Variants in PLXNA2 observed in about 807,000 individuals in gnomAD.
The protein encoded by PLXNA2 is plexin A2.
A neutral mutation model predicts 193.5 loss-of-function variants in PLXNA2; 91 were observed. The observed-to-expected ratio is 0.47, with a 90% CI of 0.40 to 0.56. The LOEUF (loss-of-function observed/expected upper bound fraction) is 0.56, where lower values mean the gene tolerates loss of function less well. Among genes scored for constraint, PLXNA2 ranks in the 20% least tolerant of loss-of-function variants. The pLI is 0.00. For synonymous variants in PLXNA2, 997 were observed against 1,027.3 expected (o/e 0.97, Z 0.56); for missense variants, 1,995 against 2,503.2 (o/e 0.80, Z 4.33).
At chr1:208,073,580 TC>T (rs1358166502) in intron 12 of PLXNA2, among the ~76,000 whole-genome samples, 1 of 152,164 alleles carries the variant, frequency 6.6e-6, no homozygotes, top group East Asian at 1.9e-4. Flanking sequence ...TGGTGGCATC[TC>T]CCCCCTCTGA....
intron 3 of PLXNA2, among the ~76,000 whole-genome samples, chr1:208,160,219 C>G (rs541230451): frequency 2.0e-5 from 3 of 152,326 alleles, no homozygotes; most frequent in South Asian, 2.1e-4. Context: ...TACAACCCCC[C>G]CCGCCCAGAA....
chr1:208,039,511 GC>G, intron 24 of PLXNA2, 109 bp downstream of exon 24: 1 of 1,464,584 alleles, frequency 6.8e-7, no homozygotes, highest in Non-Finnish European at 9.4e-7. Context: ...CCCCAGACCA[GC>G]CTCCCATCCT....
intron 13 of PLXNA2, among the ~76,000 whole-genome samples, chr1:208,054,942 G>A (rs1231351263): frequency 6.6e-6 from 1 of 152,182 alleles, no homozygotes; most frequent in Non-Finnish European, 1.5e-5. Context: ...GTAACAAGCA[G>A]ACATTGCTAC....
chr1:208,046,285 G>A lies in PLXNA2; in HGVS notation c.3256-168C>T, dbSNP rs796722688. On this transcript the variant is annotated intron_variant, in intron 17 of 31. Coordinates refer to ENST00000367033, the MANE Select transcript of PLXNA2 (RefSeq NM_025179.4). ...CCAGGAAAGGGCAGTGAAATTTTGG[G>A]GGAGTGGGGGGCATTTTAGCTTCTT... Among the ~76,000 whole-genome samples the A allele has an allele frequency of 5.3e-5, 8 of 152,318 alleles. 1 individual carries two copies. The highest frequency in any genetic ancestry group is 1.9e-4 in the African/African-American group (8 of 41,564).
chr1:208,160,601 T>G (rs953701761), intron 3 of PLXNA2, among the ~76,000 whole-genome samples: 2 of 152,254 alleles, frequency 1.3e-5, no homozygotes, highest in Non-Finnish European at 2.9e-5. Flanking sequence ...ATCCCCAATC[T>G]GCAGACAGAT....
intron 26 of PLXNA2, among the ~76,000 whole-genome samples, chr1:208,037,950 T>C (rs1283401681): frequency 6.6e-6 from 1 of 152,218 alleles, no homozygotes; most frequent in Non-Finnish European, 1.5e-5. Flanking sequence ...AATTCCCTGC[T>C]CCACTGTAAG....
chr1:208,075,043 G>A, intron 12 of PLXNA2, among the ~76,000 whole-genome samples: 1 of 152,210 alleles, frequency 6.6e-6, no homozygotes, highest in Non-Finnish European at 1.5e-5. Flanking sequence ...GGGCATGGTG[G>A]CTCATGCCTA....
intron 8 of PLXNA2, among the ~76,000 whole-genome samples, chr1:208,093,732 C>G (rs566179421): frequency 2.6e-5 from 4 of 152,172 alleles, no homozygotes; most frequent in African/African-American, 9.7e-5. Flanking sequence ...GTGGTATGTG[C>G]TTTTCTTGCC....
At chr1:208,166,757 T>C (rs1669323045) in intron 3 of PLXNA2, among the ~76,000 whole-genome samples, 1 of 152,170 alleles carries the variant, frequency 6.6e-6, no homozygotes, top group South Asian at 2.1e-4. Flanking sequence ...AAAGGTGCCA[T>C]GTGGAGTGGG....
At chr1:208,079,926 A>G (rs1370804978) in intron 11 of PLXNA2, among the ~76,000 whole-genome samples, 1 of 152,120 alleles carries the variant, frequency 6.6e-6, no homozygotes, top group African/African-American at 2.4e-5. Flanking sequence ...CATCTCTCTT[A>G]TTCTCCACTC....
At chr1:208,103,286 T>C in intron 4 of PLXNA2, 39 bp from the exon 5 acceptor site, 1 of 1,490,904 alleles carries the variant, frequency 6.7e-7, no homozygotes, top group Non-Finnish European at 9.3e-7. Context: ...GAGGTTAGGC[T>C]GTGACGACTA....
intron 17 of PLXNA2, among the ~76,000 whole-genome samples, chr1:208,048,535 C>T (rs1027585615): frequency 6.6e-6 from 1 of 152,220 alleles, no homozygotes; most frequent in East Asian, 1.9e-4. Flanking sequence ...AGAACTGCTT[C>T]TTAAGTCCTT....
Position 208,236,021 on chromosome 1 carries a change from G to A in PLXNA2, c.-81+7622C>T, listed in dbSNP as rs548750407. 2.0e-5 allele frequency among the ~76,000 whole-genome samples: 3 copies of A among 152,280 alleles called. No individual in the cohort carries two copies. The highest frequency in any genetic ancestry group is 7.2e-5 in the African/African-American group (3 of 41,562). ...AGTTTTAAGCAGCTGGAGTCAGGGT[G>A]GGGCATCAGTGTTGTCAGGGCACTG... On this transcript the variant is annotated intron_variant, in intron 1 of 31. Coordinates refer to ENST00000367033, the MANE Select transcript of PLXNA2 (RefSeq NM_025179.4). The surrounding 1 kb of genome is among the most constrained non-coding windows in gnomAD (Gnocchi z 4.4).
At chr1:208,133,081 T>C (rs1668207283) in intron 4 of PLXNA2, among the ~76,000 whole-genome samples, 1 of 152,128 alleles carries the variant, frequency 6.6e-6, no homozygotes, top group Admixed American at 6.5e-5. Context: ...TCCTCTTCTG[T>C]AAAATAAAGG....
chr1:208,031,767 A>T lies in PLXNA2; in HGVS notation c.5056-8T>A. 2 of 1,567,662 alleles carry T rather than the reference A, an allele frequency of 1.3e-6. No homozygotes were observed. Among genetic ancestry groups the T allele is most frequent in the Non-Finnish European group, 1.7e-6 (2 of 1,149,982 alleles). On this transcript the variant is annotated splice_polypyrimidine_tract_variant and splice_region_variant and intron_variant, in intron 28 of 31. Transcript: ENST00000367033. ...AAACTTCTGCAGGGTGCCCTGGAGG[A>T]GGGGTGGGGGAGAGTAAGATGGAGG...
At chr1:208,112,477 GC>G (rs760514853) in intron 4 of PLXNA2, among the ~76,000 whole-genome samples, 3 of 152,126 alleles carry the variant, frequency 2.0e-5, no homozygotes, top group Non-Finnish European at 1.5e-5. Flanking sequence ...TTGTTCTGAG[GC>G]TTACGTGATG....
intron 3 of PLXNA2, among the ~76,000 whole-genome samples, chr1:208,196,305 C>T (rs533729213): frequency 6.6e-6 from 1 of 152,184 alleles, no homozygotes; most frequent in South Asian, 2.1e-4. Flanking sequence ...AGGACTCAAC[C>T]AAACACACTG....
rs527585369 is a variant in PLXNA2, at chr1:208,145,613, C to G, written c.1372-3150G>C. ...ATGGTGAGGGCCCTTCCTCTGTGGT[C>G]CCTGGGACCAGATGGTACCCGTGGC... On this transcript the variant is annotated intron_variant, in intron 3 of 31. Transcript: ENST00000367033. 7.2e-5 allele frequency among the ~76,000 whole-genome samples: 11 copies of G among 152,302 alleles called. No individual in the cohort carries two copies. In the South Asian group the frequency reaches 2.1e-3, roughly 29 times the overall value.
chr1:208,166,662 G>C (rs1669320770), intron 3 of PLXNA2, among the ~76,000 whole-genome samples: 1 of 152,096 alleles, frequency 6.6e-6, no homozygotes, highest in Non-Finnish European at 1.5e-5. Context: ...GGTGAGGAAA[G>C]GAAAATCAAC....
Sources: gnomAD v4.1 joint callset for allele counts (sites outside exome capture counted in the v4.1 genomes callset) on GRCh38, gnomAD v4.1.1 for gene constraint, Gnocchi (gnomAD v3.1) non-coding constraint, MANE v1.5 for transcripts, NCBI Gene and HGNC (gene_info 2026-07-23, HGNC 2026-07-21) for gene names.